Variants in TPH1 observed in about 807,000 individuals in gnomAD.
TPH1 encodes the protein tryptophan hydroxylase 1.
A neutral mutation model predicts 49.5 loss-of-function variants in TPH1; 37 were observed. That is an observed-to-expected ratio of 0.75 (90% confidence interval 0.58 to 0.98). TPH1 has a LOEUF of 0.98. Ranked by LOEUF, TPH1 falls within the 50% of genes least tolerant of loss-of-function variation. The pLI, the probability that TPH1 is intolerant of heterozygous loss-of-function variation, is 0.00. For synonymous variants in TPH1, 160 were observed against 182.1 expected (o/e 0.88, Z 0.98); for missense variants, 487 against 523.6 (o/e 0.93, Z 0.68).
intron 4 of TPH1, among the ~76,000 whole-genome samples, chr11:18,032,058 A>G (rs1408375064): frequency 6.6e-5 from 10 of 152,162 alleles, no homozygotes; most frequent in Non-Finnish European, 2.9e-5. Context: ...AATTGGACAG[A>G]TCATCTAGTG....
intron 9 of TPH1, 110 bp from the exon 10 acceptor site, chr11:18,023,041 T>A: frequency 8.3e-7 from 1 of 1,203,358 alleles, no homozygotes. Flanking sequence ...ATGGCCCCAA[T>A]CTACAATTCC....
intron 4 of TPH1, among the ~76,000 whole-genome samples, chr11:18,031,882 A>G (rs1847992251): frequency 6.6e-6 from 1 of 152,016 alleles, no homozygotes; most frequent in African/African-American, 2.4e-5. Flanking sequence ...GTGTATTTTG[A>G]GGCAATTTTT....
At chr11:18,025,045 G>A (rs1302212946) in intron 8 of TPH1, among the ~76,000 whole-genome samples, 1 of 152,152 alleles carries the variant, frequency 6.6e-6, no homozygotes, top group Admixed American at 6.6e-5. Flanking sequence ...TGACATAACT[G>A]TCTCCTCAAA....
At chr11:18,023,188 G>C in intron 9 of TPH1, 1 of 444,700 alleles carries the variant, frequency 2.2e-6, no homozygotes, top group South Asian at 2.3e-5. Flanking sequence ...AGGCACCCAA[G>C]GATCTTTATT....
chr11:18,034,240 T>C (rs1182574865), intron 3 of TPH1, among the ~76,000 whole-genome samples: 7 of 152,218 alleles, frequency 4.6e-5, no homozygotes, highest in Non-Finnish European at 1.0e-4. Context: ...TATACACCTC[T>C]GCATTTTACA....
At chr11:18,033,988 C>G (rs1169640079) in intron 3 of TPH1, among the ~76,000 whole-genome samples, 27 of 152,184 alleles carry the variant, frequency 1.8e-4, no homozygotes, top group Admixed American at 1.8e-3. Context: ...TTCCGCAAAG[C>G]CTTCCCTCAC....
intron 4 of TPH1, among the ~76,000 whole-genome samples, chr11:18,030,644 T>C (rs528880038): frequency 4.6e-5 from 7 of 152,318 alleles, no homozygotes; most frequent in African/African-American, 1.7e-4. Context: ...TGTAAAATGA[T>C]ACAATAAATG....
intron 1 of TPH1, among the ~76,000 whole-genome samples, 78 bp downstream of exon 1, chr11:18,046,163 C>T (rs1848139200): frequency 1.3e-5 from 2 of 152,204 alleles, no homozygotes; most frequent in South Asian, 4.1e-4. Flanking sequence ...GTGACTCTGC[C>T]CAGCCCCGCG....
intron 1 of TPH1, 70 bp from the exon 2 acceptor site, chr11:18,040,858 A>G: frequency 7.0e-7 from 1 of 1,422,554 alleles, no homozygotes; most frequent in Non-Finnish European, 9.7e-7. Flanking sequence ...TTGATAACTA[A>G]GGGCTCATTT....
chr11:18,037,505 T>C (rs926253732), intron 2 of TPH1, among the ~76,000 whole-genome samples: 2 of 152,148 alleles, frequency 1.3e-5, no homozygotes, highest in East Asian at 3.8e-4. Context: ...TTACAAAATA[T>C]ATTGGGATTG....
intron 6 of TPH1, among the ~76,000 whole-genome samples, chr11:18,028,947 C>A (rs2134028367): frequency 6.6e-6 from 1 of 151,912 alleles, no homozygotes; most frequent in Admixed American, 6.6e-5. Flanking sequence ...TGCCTGTAGT[C>A]CCAGCACTTT....
At chr11:18,038,198 G>C (rs1400945754) in intron 2 of TPH1, among the ~76,000 whole-genome samples, 1 of 151,584 alleles carries the variant, frequency 6.6e-6, no homozygotes, top group African/African-American at 2.4e-5. Flanking sequence ...AGTAGAAGCA[G>C]AATAAGCATA....
At position 18,020,839 on chromosome 11, in the gene TPH1, T is replaced by A. The variant is rs1281486593; in HGVS notation, c.*152A>T. 2 of 721,216 alleles carry A rather than the reference T, an allele frequency of 2.8e-6. No homozygotes were observed. Among genetic ancestry groups the A allele is most frequent in the Admixed American group, 2.5e-5 (1 of 40,490 alleles). 44.7% of individuals were successfully genotyped at this position (721,216 alleles called of 1,614,324 possible). ...GTAAATAGAATATCCAGGTACAAAT[T>A]TTCAAAGACTAGTGATTCCTTAAGT... On this transcript the variant is annotated 3_prime_UTR_variant, in exon 11 of 11. Coordinates refer to ENST00000682019, the MANE Select transcript of TPH1 (RefSeq NM_004179.3).
rs1182774416 is a variant in TPH1 at position 18,018,018 on chromosome 11, G to A, written c.*2973C>T. 1 of 151,108 alleles carries A rather than the reference G, an allele frequency of 6.6e-6. No homozygotes were observed. Among genetic ancestry groups the A allele is most frequent in the African/African-American group, 2.4e-5 (1 of 41,074 alleles). 9.4% of individuals were successfully genotyped at this position (151,108 alleles called of 1,614,324 possible). A position where few individuals can be genotyped will look rare whatever the true frequency, so the allele number is the denominator to read the frequency against. ...GAGGCGGATGGATCACCTGCGGTCA[G>A]AAGTTCGAGACCAGCCTGGCCAACA... is the stretch of plus-strand genomic sequence containing the variant. On this transcript the variant is annotated 3_prime_UTR_variant, in exon 11 of 11. Transcript: ENST00000682019.
chr11:18,025,606 G>A lies in TPH1; in HGVS notation c.899C>T (p.Ala300Val). 6.2e-7 allele frequency: 1 copy of A among 1,613,956 alleles called. No homozygotes were observed. The highest frequency in any genetic ancestry group is 8.5e-7 in the Non-Finnish European group (1 of 1,179,878). ...SQEIGLASLG[A>V]SEEAVQKLAT... The stretch of plus-strand genomic sequence containing the variant: ...CAGTTTTTGAACAGCCTCCTCTGAA[G>A]CGCCAAGAGAAGCCAAGCCAATTTC... The change falls in exon 8 of 11, where the codon GCT (alanine) becomes GTT (valine). Residue 300 changes from alanine to valine, a missense_variant. By Grantham distance (64) the Ala-to-Val change is moderately conservative. Coordinates refer to ENST00000682019, the MANE Select transcript of TPH1 (RefSeq NM_004179.3).
chr11:18,044,577 A>C (rs1848125457), intron 1 of TPH1, among the ~76,000 whole-genome samples: 1 of 151,756 alleles, frequency 6.6e-6, no homozygotes, highest in Non-Finnish European at 1.5e-5. Context: ...CAGGACATAG[A>C]TCTTTGATCG....
At chr11:18,045,774 T>C (rs1238790887) in intron 1 of TPH1, among the ~76,000 whole-genome samples, 3 of 151,964 alleles carry the variant, frequency 2.0e-5, no homozygotes, top group African/African-American at 7.3e-5. Flanking sequence ...TGAGACTCCT[T>C]CTTCTTCGGG....
rs1053579483 is a variant in TPH1, at chr11:18,044,291, G to A, written c.-27+1950C>T. ...ACAAAAATTGGCTGGGTGTGGTGGCGGGCGCCTGTAGTCCCAGCTACTTGG... is the reference window on the plus strand; with the variant it reads ...ACAAAAATTGGCTGGGTGTGGTGGCAGGCGCCTGTAGTCCCAGCTACTTGG... On this transcript the variant is annotated intron_variant, in intron 1 of 10. Coordinates refer to ENST00000682019, the MANE Select transcript of TPH1 (RefSeq NM_004179.3). Among the ~76,000 whole-genome samples, 5 of 151,544 alleles carry A rather than the reference G, an allele frequency of 3.3e-5. No individual in the cohort carries two copies. The East Asian group carries it at 5.9e-4, about 18-fold the overall frequency.
In TPH1 at chr11:18,035,507, C is replaced by T. The variant is rs193166883; in HGVS notation, c.301+452G>A. On this transcript the variant is annotated intron_variant, in intron 3 of 10. Transcript: ENST00000682019. ...GTGGTACAATCTCGGCTCAGCTCTA[C>T]AGCCTCAACCTCCTGGGCTCAGGTG... 4.9e-4 allele frequency among the ~76,000 whole-genome samples: 73 copies of T among 149,832 alleles called. 1 individual carries two copies. The East Asian group carries it at 0.012, about 25-fold the overall frequency.
Sources: gnomAD v4.1 joint callset for allele counts (sites outside exome capture counted in the v4.1 genomes callset) on GRCh38, gnomAD v4.1.1 for gene constraint, MANE v1.5 for transcripts, NCBI Gene and HGNC (gene_info 2026-07-23, HGNC 2026-07-21) for gene names.